The following TSPAN10 variants were observed in gnomAD, a reference collection of about 807,000 sequenced individuals.
TSPAN10 encodes tetraspanin-10.
A neutral mutation model predicts 15.0 loss-of-function variants in TSPAN10; 11 were observed. The ratio of observed to expected loss-of-function variants is 0.73; its 90% CI spans 0.46 to 1.21. The LOEUF (loss-of-function observed/expected upper bound fraction) is 1.21. TSPAN10 is among the 50% of genes most tolerant of loss of function. TSPAN10 has a pLI of 0.00. For synonymous variants in TSPAN10, 241 were observed against 226.2 expected (o/e 1.07, Z -0.59); for missense variants, 486 against 470.6 (o/e 1.03, Z -0.30).
chr17:81,642,959 C>T (rs2036193589), intron 1 of TSPAN10, among the ~76,000 whole-genome samples: 1 of 150,680 alleles, frequency 6.6e-6, no homozygotes, highest in African/African-American at 2.4e-5. Context: ...CAAGACCAGC[C>T]TGGGCAATGT....
upstream of TSPAN10, among the ~76,000 whole-genome samples, chr17:81,642,013 C>G (rs529260143): frequency 6.6e-6 from 1 of 152,272 alleles, no homozygotes; most frequent in Non-Finnish European, 1.5e-5. Flanking sequence ...TTACCAGGGT[C>G]TGATTCCCTG....
chr17:81,648,475 C>A, downstream of TSPAN10: 1 of 560,002 alleles, frequency 1.8e-6, no homozygotes, highest in Non-Finnish European at 2.5e-6. Flanking sequence ...TGCCAGCCCC[C>A]AACGCAGGGC....
exon 2 of TSPAN10, chr17:81,645,533 A>T (rs763789335): frequency 2.5e-6 from 4 of 1,601,782 alleles, no homozygotes; most frequent in Admixed American, 1.7e-5. Context: ...ATCGCCCACT[A>T]CCAGGACGAC....
At position 81,647,912 on chromosome 17, in the gene TSPAN10, G is replaced by A. The variant is rs938763949; in HGVS notation, c.686G>A (p.Cys229Tyr). ...CATGCGCCTTGCAGGTACTTTAACT[G>A]CAGCTCCCCCGGGGTGCAGGCCTGC... The change falls in exon 3 of 3, where the codon TGC (cysteine) becomes TAC (tyrosine). Residue 229 changes from cysteine to tyrosine, a missense_variant. Cys to Tyr is a radical substitution (Grantham distance 194). Transcript: ENST00000611590. The A allele has an allele frequency of 3.6e-5, 56 of 1,556,560 alleles. No homozygotes were observed. The Admixed American group carries it at 9.4e-4, about 26-fold the overall frequency.
chr17:81,642,436 C>T lies in TSPAN10; in HGVS notation c.24C>T (p.Pro8=), dbSNP rs373716071. The change falls in exon 1 of 3, where the codon CCC becomes CCT. Residue 8 remains proline (P), a synonymous_variant. Coordinates refer to ENST00000611590, the Ensembl canonical transcript of TSPAN10. ...GGATGGAGGAGGGGGAGAGGAGCCC[C>T]TTACTGTCCCAGGTGAGCCATGCCA... 5.3e-4 allele frequency: 852 copies of T among 1,611,504 alleles called. 1 individual carries two copies. The highest frequency in any genetic ancestry group is 6.6e-4 in the Non-Finnish European group (776 of 1,178,616).
exon 1 of TSPAN10, chr17:81,642,416 G>C (rs2036187174): frequency 6.2e-7 from 1 of 1,613,260 alleles, no homozygotes; most frequent in African/African-American, 1.3e-5. Context: ...GTCAAGGATG[G>C]AGGAGGGGGA....
At chr17:81,637,477 T>C, upstream of TSPAN10, 1 of 680,782 alleles carries the variant, frequency 1.5e-6, no homozygotes, top group Non-Finnish European at 2.7e-6. Flanking sequence ...ATTTTTTAAA[T>C]TTAACATAAG....
upstream of TSPAN10, among the ~76,000 whole-genome samples, chr17:81,641,178 GT>G (rs1002583082): frequency 6.6e-6 from 1 of 151,918 alleles, no homozygotes; most frequent in African/African-American, 2.4e-5. Context: ...AAAAAAAAAG[GT>G]TACCCATCCT....
At chr17:81,637,255 T>C in exon 1 of TSPAN10, 1 of 528,218 alleles carries the variant, frequency 1.9e-6, no homozygotes, top group Non-Finnish European at 3.4e-6. Context: ...TGAGATTACT[T>C]CTGCTCGTCC....
At chr17:81,642,068 C>T, upstream of TSPAN10, among the ~76,000 whole-genome samples, 1 of 114,724 alleles carries the variant, frequency 8.7e-6, no homozygotes, top group Non-Finnish European at 1.7e-5. Flanking sequence ...GAGCTGAAGT[C>T]CGCATGGGGG....
intron 2 of TSPAN10, chr17:81,645,832 C>T: frequency 1.5e-6 from 1 of 689,364 alleles, no homozygotes; most frequent in East Asian, 2.7e-5. Context: ...CACACACCTA[C>T]ACACTCCTCT....
upstream of TSPAN10, among the ~76,000 whole-genome samples, chr17:81,640,072 TC>T (rs1206273250): frequency 6.6e-6 from 1 of 151,880 alleles, no homozygotes; most frequent in African/African-American, 2.4e-5. Flanking sequence ...AGCCTCGACT[TC>T]CCAGGCTCAG....
intron 2 of TSPAN10, among the ~76,000 whole-genome samples, chr17:81,646,923 T>C (rs9910935): frequency 0.64 from 95,967 of 150,972 alleles, 32,085 homozygotes; most frequent in East Asian, 0.99. Context: ...CGGCTCACTG[T>C]AAAGAGGGTA....
exon 2 of TSPAN10, chr17:81,645,626 A>G: frequency 1.2e-6 from 2 of 1,612,070 alleles, no homozygotes; most frequent in Non-Finnish European, 1.7e-6. Flanking sequence ...TGGCAGCAGA[A>G]CCTGTGAGTC....
At chr17:81,640,737 C>T (rs1369496889), upstream of TSPAN10, among the ~76,000 whole-genome samples, 2 of 152,092 alleles carry the variant, frequency 1.3e-5, no homozygotes, top group African/African-American at 2.4e-5. Context: ...TGTGAGCTAC[C>T]GCGCCCAGCC....
At chr17:81,642,148 G>A (rs372387361), upstream of TSPAN10, among the ~76,000 whole-genome samples, 162 of 152,296 alleles carry the variant, frequency 1.1e-3, 1 homozygote, top group African/African-American at 3.2e-3. Context: ...TGAGCTTAGG[G>A]GACCCACAGA....
chr17:81,648,542 A>G (rs7405453), downstream of TSPAN10: 221,499 of 310,098 alleles, frequency 0.71, 81,277 homozygotes, highest in East Asian at 1. Context: ...GGAAATCCTG[A>G]AGCTGACCCT....
At chr17:81,640,876 G>T (rs2036171756), upstream of TSPAN10, among the ~76,000 whole-genome samples, 1 of 152,036 alleles carries the variant, frequency 6.6e-6, no homozygotes, top group African/African-American at 2.4e-5. Flanking sequence ...TTCATTAAAA[G>T]ATTACCCAGA....
chr17:81,648,206 A>T, exon 3 of TSPAN10: 1 of 1,372,390 alleles, frequency 7.3e-7, no homozygotes, highest in Middle Eastern at 2.7e-4. Flanking sequence ...GGGGCGGCGT[A>T]CGGCCCCGGA....
Sources: allele counts gnomAD v4.1 joint callset (sites outside exome capture counted in the v4.1 genomes callset), GRCh38; gene constraint gnomAD v4.1.1; transcripts MANE v1.5; gene names NCBI Gene and HGNC (gene_info 2026-07-23, HGNC 2026-07-21).